Variants in UBE2E2 observed in about 807,000 individuals in gnomAD.
UBE2E2 encodes the protein ubiquitin-conjugating enzyme E2 E2.
Under a neutral mutation model 24.7 loss-of-function variants are expected in UBE2E2, and 6 were observed. That is an observed-to-expected ratio of 0.24 (90% CI 0.13 to 0.48). The LOEUF (loss-of-function observed/expected upper bound fraction) is 0.48, where lower values mean the gene tolerates loss of function less well. Among genes scored for constraint, UBE2E2 ranks in the 20% least tolerant of loss-of-function variants. The pLI, the probability that UBE2E2 is intolerant of heterozygous loss-of-function variation, is 0.99. For synonymous variants in UBE2E2, 104 were observed against 83.6 expected, an observed-to-expected ratio of 1.24 and a Z score of -1.33; for missense variants, 169 against 245.0, an observed-to-expected ratio of 0.69 and a Z score of 2.07.
chr3:23,361,022 T>G (rs984112073), intron 3 of UBE2E2, among the ~76,000 whole-genome samples: 4 of 151,334 alleles, frequency 2.6e-5, no homozygotes, highest in African/African-American at 9.7e-5. Context: ...GCAAAGGACA[T>G]GAATAGACAT....
intron 3 of UBE2E2, among the ~76,000 whole-genome samples, chr3:23,348,867 G>A (rs1211518022): frequency 6.6e-6 from 1 of 152,190 alleles, no homozygotes; most frequent in African/African-American, 2.4e-5. Flanking sequence ...TGCCATCTCT[G>A]TCATAGCACA....
At chr3:23,447,271 T>A (rs910313032) in intron 3 of UBE2E2, among the ~76,000 whole-genome samples, 3 of 152,182 alleles carry the variant, frequency 2.0e-5, no homozygotes, top group African/African-American at 7.2e-5. Flanking sequence ...TAATAACTAT[T>A]TGAGGAATGA....
At chr3:23,289,955 C>A (rs1472878727) in intron 3 of UBE2E2, among the ~76,000 whole-genome samples, 1 of 152,018 alleles carries the variant, frequency 6.6e-6, no homozygotes, top group Admixed American at 6.5e-5. Context: ...TAGACTATTT[C>A]TCTTACGGAG....
intron 3 of UBE2E2, among the ~76,000 whole-genome samples, chr3:23,464,226 TTAATC>T (rs1392829668): frequency 1.3e-5 from 2 of 152,144 alleles, no homozygotes; most frequent in Admixed American, 1.3e-4. Flanking sequence ...GATTGGCTGT[TTAATC>T]TACTATTTAA....
chr3:23,583,067 A>G lies in UBE2E2; in HGVS notation c.509-6667A>G, dbSNP rs1696525594. Among the ~76,000 whole-genome samples the G allele has an allele frequency of 6.6e-6, 1 of 152,056 alleles. No homozygotes were observed. The highest frequency in any genetic ancestry group is 1.5e-5 in the Non-Finnish European group (1 of 68,016). On this transcript the variant is annotated intron_variant, in intron 5 of 5. Transcript: ENST00000396703. This position sits in a 1 kb window ranked among gnomAD's most constrained non-coding sequence, Gnocchi z 4.1. The stretch of plus-strand genomic sequence containing the variant: ...CAGGGTTTTCATAGTTTTAGGTTTT[A>G]CATTTAAGTCTTTAATCCATCTTGA...
At chr3:23,449,452 C>T (rs557227547) in intron 3 of UBE2E2, among the ~76,000 whole-genome samples, 2 of 152,186 alleles carry the variant, frequency 1.3e-5, no homozygotes, top group South Asian at 2.1e-4. Flanking sequence ...TTTAAAAATT[C>T]GGATGGGGTA....
At chr3:23,430,721 A>G (rs1485038658) in intron 3 of UBE2E2, among the ~76,000 whole-genome samples, 2 of 151,834 alleles carry the variant, frequency 1.3e-5, no homozygotes, top group African/African-American at 2.4e-5. Flanking sequence ...GGATATCCCT[A>G]TGTTGCCCAG....
intron 3 of UBE2E2, among the ~76,000 whole-genome samples, chr3:23,311,777 T>G (rs560419245): frequency 2.0e-5 from 3 of 152,204 alleles, no homozygotes; most frequent in Non-Finnish European, 4.4e-5. Context: ...GGTATATATA[T>G]TTATGGGATA....
At chr3:23,367,142 C>G (rs544679445) in intron 3 of UBE2E2, among the ~76,000 whole-genome samples, 2 of 152,132 alleles carry the variant, frequency 1.3e-5, no homozygotes, top group African/African-American at 4.8e-5. Flanking sequence ...TTCATGAAAT[C>G]TTTTAAGTGA....
intron 3 of UBE2E2, among the ~76,000 whole-genome samples, chr3:23,426,707 C>T (rs1697936110): frequency 6.6e-6 from 1 of 152,026 alleles, no homozygotes; most frequent in Non-Finnish European, 1.5e-5. Flanking sequence ...GAATTTGTTG[C>T]CAGCAGATCT....
At chr3:23,588,587 T>A (rs1696684788) in intron 5 of UBE2E2, among the ~76,000 whole-genome samples, 1 of 152,056 alleles carries the variant, frequency 6.6e-6, no homozygotes, top group African/African-American at 2.4e-5. Flanking sequence ...CCAATTTTTT[T>A]AATTAAACGT....
At chr3:23,512,446 C>CTGAGCTCAACCAGTCCTCT (rs1170710144) in intron 4 of UBE2E2, among the ~76,000 whole-genome samples, 23 of 152,136 alleles carry the variant, frequency 1.5e-4, no homozygotes, top group African/African-American at 5.5e-4. Context: ...TCTCAAACTC[C>CTGAGCTCAACCAGTCCTCT]TGAGCTCAAC....
intron 5 of UBE2E2, among the ~76,000 whole-genome samples, chr3:23,584,706 A>G (rs1575724767): frequency 6.8e-6 from 1 of 146,206 alleles, no homozygotes; most frequent in African/African-American, 2.5e-5. Context: ...GGTACATGCC[A>G]CCACACCCAG....
intron 3 of UBE2E2, among the ~76,000 whole-genome samples, chr3:23,440,767 T>G (rs1192134546): frequency 2.6e-5 from 4 of 152,168 alleles, no homozygotes; most frequent in African/African-American, 9.7e-5. Flanking sequence ...AAGAGCTGAG[T>G]TATTCTTTGA....
At chr3:23,309,526 C>G (rs1699320017) in intron 3 of UBE2E2, among the ~76,000 whole-genome samples, 1 of 152,110 alleles carries the variant, frequency 6.6e-6, no homozygotes, top group Non-Finnish European at 1.5e-5. Flanking sequence ...TTTATTATCT[C>G]ATAGTTTTGT....
chr3:23,393,721 G>A (rs768773423), intron 3 of UBE2E2, among the ~76,000 whole-genome samples: 9 of 151,990 alleles, frequency 5.9e-5, no homozygotes, highest in African/African-American at 1.7e-4. Context: ...ACATCTGGCC[G>A]ACTACCTGTT....
intron 3 of UBE2E2, among the ~76,000 whole-genome samples, chr3:23,315,283 C>T (rs895119699): frequency 2.7e-5 from 4 of 148,650 alleles, no homozygotes; most frequent in Non-Finnish European, 1.5e-5. Flanking sequence ...ATGTTCATGC[C>T]GATTTTCTAG....
At chr3:23,307,208 C>G (rs1403781533) in intron 3 of UBE2E2, among the ~76,000 whole-genome samples, 1 of 152,026 alleles carries the variant, frequency 6.6e-6, no homozygotes, top group Non-Finnish European at 1.5e-5. Context: ...TATACTGTTG[C>G]AGTTTCATAG....
chr3:23,273,587 A>T (rs919267093), intron 3 of UBE2E2, among the ~76,000 whole-genome samples: 2 of 152,086 alleles, frequency 1.3e-5, no homozygotes, highest in East Asian at 3.9e-4. Flanking sequence ...TGACATTGTT[A>T]TAACACTGAT....
Sources: allele counts gnomAD v4.1 joint callset (sites outside exome capture counted in the v4.1 genomes callset), GRCh38; gene constraint gnomAD v4.1.1; non-coding constraint Gnocchi (gnomAD v3.1); transcripts MANE v1.5; gene names NCBI Gene and HGNC (gene_info 2026-07-23, HGNC 2026-07-21).